ZKSCAN5: variants seen among roughly 807,000 people sequenced by gnomAD.
ZKSCAN5 encodes the protein zinc finger protein with KRAB and SCAN domains 5.
ZKSCAN5 carries 28 observed loss-of-function variants against 60.0 expected under a neutral mutation model. The ratio of observed to expected loss-of-function variants is 0.47; its 90% confidence interval spans 0.35 to 0.64. ZKSCAN5 has a LOEUF of 0.64. ZKSCAN5 is among the 30% of genes least tolerant of loss of function. The pLI, the probability that ZKSCAN5 is intolerant of heterozygous loss-of-function variation, is 0.01. For synonymous variants in ZKSCAN5, 361 were observed against 371.2 expected, an observed-to-expected ratio of 0.97 and a Z score of 0.31; for missense variants, 881 against 1,034.6, an observed-to-expected ratio of 0.85 and a Z score of 2.04.
At chr7:99,524,401 G>A (rs1047981091) in intron 5 of ZKSCAN5, among the ~76,000 whole-genome samples, 5 of 151,916 alleles carry the variant, frequency 3.3e-5, no homozygotes, top group African/African-American at 4.8e-5. Flanking sequence ...TTGTAGAGAC[G>A]GGGTTTCGCT....
At chr7:99,511,921 C>G (rs1801049568) in intron 2 of ZKSCAN5, among the ~76,000 whole-genome samples, 1 of 152,112 alleles carries the variant, frequency 6.6e-6, no homozygotes, top group Non-Finnish European at 1.5e-5. Context: ...TCCTGAGTAG[C>G]TGGGACTACA....
At position 99,506,457 on chromosome 7, in the gene ZKSCAN5, A is replaced by G. The variant is rs200939318; in HGVS notation, c.413A>G (p.Gln138Arg). 119 of 1,607,166 alleles carry G rather than the reference A, an allele frequency of 7.4e-5. No individual in the cohort carries two copies. The African/African-American group carries it at 9.8e-4, about 13-fold the overall frequency. ...IQRELEERRQ[Q>R]IVACPDVLPR... is the part of the protein sequence containing the mutation. ...CGAGAACTTGAGGAACGCAGACAGC[A>G]GGTGAGTCAAAGAGAAGCTATATGA... The change falls in exon 2 of 7, where the codon CAG becomes CGG. Residue 138 changes from glutamine to arginine, a missense_variant and splice_region_variant. By Grantham distance (43) the Gln-to-Arg change is conservative. This residue lies in a region of ZKSCAN5 where 490 missense variants were observed against 554.5 expected (regional missense o/e 0.88). Coordinates refer to ENST00000326775, the MANE Select transcript of ZKSCAN5 (RefSeq NM_145102.4).
chr7:99,516,580 AGGT>A (rs1269018957), intron 3 of ZKSCAN5, among the ~76,000 whole-genome samples: 16 of 152,154 alleles, frequency 1.1e-4, no homozygotes, highest in Admixed American at 9.8e-4. Context: ...AATCCCAGGC[AGGT>A]CTGTGCAAGT....
Position 99,526,087 on chromosome 7 carries a change from C to G in ZKSCAN5, c.1047C>G (p.Ser349Arg), listed in dbSNP as rs1203654347. Reference sequence around the variant, plus strand: ...ATGGCGAGAGAGGGCACAGATGCAGCGATTGTGGCAAATTCTTCCTCCAAG... The same window carrying G: ...ATGGCGAGAGAGGGCACAGATGCAGGGATTGTGGCAAATTCTTCCTCCAAG... ...STHGERGHRC[S>R]DCGKFFLQAS... is the part of the protein sequence containing the mutation. Residue 349 changes from serine (S) to arginine (R), a missense_variant, in exon 6 of 7, where the codon AGC becomes AGG. Ser to Arg is a moderately radical substitution (Grantham distance 110). This residue lies in a region of ZKSCAN5 where 490 missense variants were observed against 554.5 expected (regional missense o/e 0.88). Coordinates refer to ENST00000326775, the MANE Select transcript of ZKSCAN5 (RefSeq NM_145102.4). 1 of 1,614,172 alleles carries G rather than the reference C, an allele frequency of 6.2e-7. No individual in the cohort carries two copies. The highest frequency in any genetic ancestry group is 1.1e-5 in the South Asian group (1 of 91,072).
chr7:99,505,906 CTG>C, intron 1 of ZKSCAN5, 97 bp from the exon 2 acceptor site: 1 of 1,029,130 alleles, frequency 9.7e-7, no homozygotes, highest in East Asian at 2.6e-5. Flanking sequence ...TCTTTGCCAT[CTG>C]TCTTTGCTAA....
Position 99,513,817 on chromosome 7 carries a change from C to T in ZKSCAN5, c.553+1226C>T, listed in dbSNP as rs757717065. On this transcript the variant is annotated intron_variant, in intron 3 of 6. Transcript: ENST00000326775. ...CAAAGGTGGGTGGATCACCTGAGGT[C>T]AGGAGTTCAAGACCAGCCTGGCCAA... is the stretch of plus-strand genomic sequence containing the variant. 4.1e-5 allele frequency: 10 copies of T among 245,754 alleles called. No individual in the cohort carries two copies. In the Middle Eastern group the frequency reaches 4.6e-3, roughly 114 times the overall value. 15.2% of individuals were successfully genotyped at this position (245,754 alleles called of 1,614,324 possible).
chr7:99,510,128 CTTGCCTAGTTGCCTAG>C (rs1320417296), intron 2 of ZKSCAN5, among the ~76,000 whole-genome samples: 2 of 152,054 alleles, frequency 1.3e-5, no homozygotes, highest in African/African-American at 4.8e-5. Context: ...TAGATGAGGT[CTTGCCTAGTTGCCTAG>C]CCTGGTCTGG....
chr7:99,518,447 A>G (rs1167178349), intron 3 of ZKSCAN5, among the ~76,000 whole-genome samples: 1 of 151,948 alleles, frequency 6.6e-6, no homozygotes, highest in African/African-American at 2.4e-5. Flanking sequence ...TTTTAATTAA[A>G]TTAAAAAATG....
At chr7:99,530,330 C>T (rs951252842) in intron 6 of ZKSCAN5, among the ~76,000 whole-genome samples, 9 of 152,124 alleles carry the variant, frequency 5.9e-5, no homozygotes, top group African/African-American at 1.7e-4. Flanking sequence ...CCACCACGCC[C>T]GGCCTTTTGA....
At chr7:99,523,266 A>C (rs1299395324) in intron 5 of ZKSCAN5, among the ~76,000 whole-genome samples, 1 of 149,330 alleles carries the variant, frequency 6.7e-6, no homozygotes, top group Non-Finnish European at 1.5e-5. Context: ...TACAGGAAGG[A>C]GGAAGGACTG....
In ZKSCAN5 at chr7:99,532,221, C is replaced by A. The variant is rs1449950646; in HGVS notation, c.2492C>A (p.Thr831Asn). The part of the protein sequence containing the change: ...RSHERTDPIN[T>N]LSVEGSLL ...CATGAGAGGACAGATCCCATAAATA[C>A]CTTAAGTGTAGAGGGGTCTCTGTTG... Residue 831 changes from threonine (T) to asparagine (N), a missense_variant, in exon 7 of 7, where the codon ACC becomes AAC. Coordinates refer to ENST00000326775, the MANE Select transcript of ZKSCAN5 (RefSeq NM_145102.4). The A allele has an allele frequency of 1.2e-6, 2 of 1,601,262 alleles. No homozygotes were observed. The highest frequency in any genetic ancestry group is 1.7e-4 in the Middle Eastern group (1 of 5,974).
intron 5 of ZKSCAN5, among the ~76,000 whole-genome samples, chr7:99,524,651 AG>A (rs779236119): frequency 6.6e-6 from 1 of 152,238 alleles, no homozygotes; most frequent in South Asian, 2.1e-4. Context: ...CGGTTCTATC[AG>A]TGACTGCTGA....
chr7:99,524,431 C>T (rs1801684756), intron 5 of ZKSCAN5, among the ~76,000 whole-genome samples: 1 of 152,086 alleles, frequency 6.6e-6, no homozygotes, highest in Admixed American at 6.6e-5. Flanking sequence ...AGGCTGGTCT[C>T]GAACTCCTGG....
Position 99,519,902 on chromosome 7 carries a change from G to C in ZKSCAN5, c.629G>C (p.Gly210Ala). Residue 210 changes from glycine (G) to alanine (A), a missense_variant, in exon 4 of 7, where the codon GGG (glycine) becomes GCG (alanine). Physicochemically the swap from Gly to Ala is moderately conservative, Grantham distance 60. Transcript: ENST00000326775. The stretch of plus-strand genomic sequence containing the variant: ...CTGACAGCTTCACTTCTCTCAACTG[G>C]GTCCCAGGTGAGCTGGTGCCCCTTT... ...QELTASLLST[G>A]SQKLVKIEEV... 6.2e-7 allele frequency: 1 copy of C among 1,614,008 alleles called. No individual in the cohort carries two copies. Among genetic ancestry groups the C allele is most frequent in the East Asian group, 2.2e-5 (1 of 44,876 alleles).
At position 99,533,692 on chromosome 7, in the gene ZKSCAN5, C is replaced by T; in HGVS notation, c.*1443C>T. The T allele has an allele frequency of 2.5e-6, 1 of 400,152 alleles. No homozygotes were observed. The allele number at this position is 400,152 out of a possible 1,614,324, so 24.8% of individuals were successfully genotyped here. On this transcript the variant is annotated 3_prime_UTR_variant, in exon 7 of 7. Coordinates refer to ENST00000326775, the MANE Select transcript of ZKSCAN5 (RefSeq NM_145102.4). ...AGAAAACTCCAGGGTGCTATGACTG[C>T]TCTGGCACCCTTGGATCAGGCCAAG...
At chr7:99,519,333 A>G (rs1283638647) in intron 3 of ZKSCAN5, among the ~76,000 whole-genome samples, 1 of 142,660 alleles carries the variant, frequency 7.0e-6, no homozygotes, top group African/African-American at 2.6e-5. Flanking sequence ...GCTGGAGTGC[A>G]GTGGTGCAAT....
At chr7:99,530,304 G>A (rs149664049) in intron 6 of ZKSCAN5, among the ~76,000 whole-genome samples, 1,904 of 152,182 alleles carry the variant, frequency 0.013, 38 homozygotes, top group African/African-American at 0.043. Flanking sequence ...CATAGTGCTG[G>A]GATTACAGGT....
At chr7:99,517,998 G>A (rs1801341476) in intron 3 of ZKSCAN5, among the ~76,000 whole-genome samples, 1 of 152,152 alleles carries the variant, frequency 6.6e-6, no homozygotes, top group Admixed American at 6.6e-5. Flanking sequence ...CAGAGAGAGA[G>A]AGAATAGATT....
chr7:99,521,203 AT>A (rs1337435628), intron 5 of ZKSCAN5, among the ~76,000 whole-genome samples: 1 of 152,028 alleles, frequency 6.6e-6, no homozygotes, highest in Non-Finnish European at 1.5e-5. Context: ...TTATTTTATT[AT>A]TTTATTTTTT....
Sources: allele counts gnomAD v4.1 joint callset (sites outside exome capture counted in the v4.1 genomes callset), GRCh38; gene constraint gnomAD v4.1.1; regional missense constraint gnomAD v4.1.1; transcripts MANE v1.5; gene names NCBI Gene and HGNC (gene_info 2026-07-23, HGNC 2026-07-21).